EPS8L3: variants seen among roughly 807,000 people sequenced by gnomAD.
EPS8L3 encodes epidermal growth factor receptor kinase substrate 8-like protein 3.
A neutral mutation model predicts 88.5 loss-of-function variants in EPS8L3; 80 were observed. The observed-to-expected ratio is 0.90, with a 90% confidence interval of 0.75 to 1.09. The LOEUF is 1.09. Among genes scored for constraint, EPS8L3 ranks in the 50% least tolerant of loss-of-function variants. EPS8L3 has a pLI of 0.00. For synonymous variants in EPS8L3, 286 were observed against 291.0 expected (o/e 0.98, Z 0.18); for missense variants, 721 against 735.2 (o/e 0.98, Z 0.22).
rs779263646 is a variant in EPS8L3 at position 109,751,984 on chromosome 1, C to G, written c.1434+11G>C. ...ACCACCTCCTTTTCTAGCCTATGGC[C>G]CAAGCCTCACCTCCAGCTTCTCTCC... On this transcript the variant is annotated intron_variant, in intron 15 of 18. Transcript: ENST00000361965. 5 of 1,594,918 alleles carry G rather than the reference C, an allele frequency of 3.1e-6. No homozygotes were observed. Among genetic ancestry groups the G allele is most frequent in the Non-Finnish European group, 4.3e-6 (5 of 1,169,808 alleles).
At chr1:109,761,894 C>CCAGAA in intron 1 of EPS8L3, 121 bp from the exon 2 acceptor site, 2 of 828,470 alleles carry the variant, frequency 2.4e-6, no homozygotes, top group Admixed American at 2.2e-5. Context: ...CCCAAAGCCC[C>CCAGAA]TGGCTCCAGG....
intron 1 of EPS8L3, among the ~76,000 whole-genome samples, 169 bp downstream of exon 1, chr1:109,763,653 C>T (rs920090024): frequency 6.6e-6 from 1 of 152,206 alleles, no homozygotes; most frequent in Non-Finnish European, 1.5e-5. Context: ...CTTTCCAGCC[C>T]ACCAGCCAGC....
At chr1:109,763,756 C>T (rs1651255166) in intron 1 of EPS8L3, 66 bp downstream of exon 1, 1 of 153,096 alleles carries the variant, frequency 6.5e-6, no homozygotes, top group African/African-American at 2.4e-5. Context: ...TGAGTTGCCC[C>T]CACCTGCCCT....
At chr1:109,763,185 G>A (rs768135762) in intron 1 of EPS8L3, among the ~76,000 whole-genome samples, 17 of 152,226 alleles carry the variant, frequency 1.1e-4, no homozygotes, top group Non-Finnish European at 8.8e-5. Flanking sequence ...TTAAGGGAAT[G>A]TGGAAGGGAC....
Position 109,759,456 on chromosome 1 carries a change from A to G in EPS8L3, c.256-69T>C. On this transcript the variant is annotated intron_variant, in intron 4 of 18. Coordinates refer to ENST00000361965, the MANE Select transcript of EPS8L3 (RefSeq NM_133181.4). The surrounding 1 kb of genome is among the most constrained non-coding windows in gnomAD (Gnocchi z 4.2). ...GTGTGGCTTCTGGGAGCTCCTGACC[A>G]GCTCATCCTAGCCCTTTGGTGGCCT... 1 of 1,582,984 alleles carries G rather than the reference A, an allele frequency of 6.3e-7. No individual in the cohort carries two copies. Among genetic ancestry groups the G allele is most frequent in the East Asian group, 2.2e-5 (1 of 44,752 alleles).
rs777053597 is a variant in EPS8L3, at chr1:109,761,533, G to A, written c.58C>T (p.Leu20Phe). ...TGCAGGAGGGTGGGCTCTGAGGTGA[G>A]GTTCTGGGAGTACTCCTTCCGGTGC... is the stretch of plus-strand genomic sequence containing the variant. ...YLHRKEYSQN[L>F]TSEPTLLQHR... The change falls in exon 3 of 19, where the codon CTC becomes TTC. Residue 20 changes from leucine (L) to phenylalanine (F), a missense_variant. Transcript: ENST00000361965. 1.9e-6 allele frequency: 3 copies of A among 1,613,602 alleles called. No individual in the cohort carries two copies. The highest frequency in any genetic ancestry group is 2.2e-5 in the South Asian group (2 of 91,052).
chr1:109,758,723 C>T, intron 6 of EPS8L3, 60 bp from the exon 7 acceptor site: 2 of 1,512,434 alleles, frequency 1.3e-6, no homozygotes, highest in East Asian at 2.3e-5. Flanking sequence ...GAGGCCCTCC[C>T]CACAATTCTG....
At chr1:109,756,544 T>A (rs575079818) in intron 12 of EPS8L3, among the ~76,000 whole-genome samples, 2 of 74,706 alleles carry the variant, frequency 2.7e-5, no homozygotes, top group Admixed American at 3.3e-4. Context: ...CCCTGTTAGG[T>A]TTTTTTGTCC....
rs762470827 is a variant in EPS8L3, at chr1:109,759,702, C to T, written c.231G>A (p.Leu77=). 33 of 1,613,786 alleles carry T rather than the reference C, an allele frequency of 2.0e-5. No homozygotes were observed. The highest frequency in any genetic ancestry group is 2.6e-5 in the Non-Finnish European group (31 of 1,180,006). Residue 77 remains leucine (L), a synonymous_variant, in exon 4 of 19, where the codon CTG becomes CTA. Transcript: ENST00000361965. This position sits in a 1 kb window ranked among gnomAD's most constrained non-coding sequence, Gnocchi z 4.2. ...DLILQVRDGW[L]QLLDIETKEE... is the part of the protein sequence containing the mutation. ...CCTTGGTCTCAATGTCCAGCAGCTG[C>T]AGCCAGCCGTCCCTGACCTGCAGGA...
At chr1:109,752,271 A>G in intron 14 of EPS8L3, 78 bp from the exon 15 acceptor site, 1 of 1,383,214 alleles carries the variant, frequency 7.2e-7, no homozygotes, top group South Asian at 1.3e-5. Context: ...GATTCCCCTC[A>G]GGTATCTCCG....
At chr1:109,761,964 T>A (rs2101541397) in intron 1 of EPS8L3, among the ~76,000 whole-genome samples, 191 bp from the exon 2 acceptor site, 1 of 152,148 alleles carries the variant, frequency 6.6e-6, no homozygotes, top group South Asian at 2.1e-4. Context: ...CCATCCTGGC[T>A]GGGCCTGGAG....
rs757077141 is a variant in EPS8L3 at position 109,753,182 on chromosome 1, C to T, written c.1135G>A (p.Asp379Asn). The change falls in exon 13 of 19, where the codon GAT (aspartate) becomes AAT (asparagine). Residue 379 changes from aspartate (D) to asparagine (N), a missense_variant. Transcript: ENST00000361965. ...GTGGGTTGGTAGGGCAGGGGCTCAT[C>T]GCCTGTCCAGTCGGCCCTGAAGAGG... ...WTTSRADWTGDEPLPYQPTFS... is the reference protein window; with the variant it reads ...WTTSRADWTGNEPLPYQPTFS... 44 of 1,611,620 alleles carry T rather than the reference C, an allele frequency of 2.7e-5. No individual in the cohort carries two copies. In the East Asian group the frequency reaches 3.6e-4, roughly 13 times the overall value.
rs1650643596 is a variant in EPS8L3 at position 109,759,223 on chromosome 1, C to A, written c.405+15G>T. 6.2e-7 allele frequency: 1 copy of A among 1,613,084 alleles called. No individual in the cohort carries two copies. On this transcript the variant is annotated intron_variant, in intron 5 of 18. Transcript: ENST00000361965. The surrounding 1 kb of genome is among the most constrained non-coding windows in gnomAD (Gnocchi z 4.2). ...GATGAACCCCACCCCTGACCAATCA[C>A]CCCCGACCACTCACCCCCACTTCCT...
In EPS8L3 at chr1:109,759,042, G is replaced by A; in HGVS notation, c.461+20C>T. On this transcript the variant is annotated intron_variant, in intron 6 of 18. Coordinates refer to ENST00000361965, the MANE Select transcript of EPS8L3 (RefSeq NM_133181.4). The surrounding 1 kb of genome is among the most constrained non-coding windows in gnomAD (Gnocchi z 4.2). ...CTGAGCTGGGAGGCCCCATAGGTGGGCTGGGCAGAGGCTGCCTACCTTTGC... is the reference window on the plus strand; with the variant it reads ...CTGAGCTGGGAGGCCCCATAGGTGGACTGGGCAGAGGCTGCCTACCTTTGC... 1 of 1,586,154 alleles carries A rather than the reference G, an allele frequency of 6.3e-7. No individual in the cohort carries two copies. Among genetic ancestry groups the A allele is most frequent in the Non-Finnish European group, 8.6e-7 (1 of 1,166,522 alleles).
chr1:109,757,618 A>G (rs1650418089), intron 10 of EPS8L3, 63 bp from the exon 11 acceptor site: 8 of 1,523,336 alleles, frequency 5.3e-6, no homozygotes, highest in South Asian at 1.1e-5. Flanking sequence ...CCAGGTCACC[A>G]TAATTGTTTT....
At chr1:109,756,433 T>C (rs546572672) in intron 12 of EPS8L3, among the ~76,000 whole-genome samples, 2 of 152,322 alleles carry the variant, frequency 1.3e-5, no homozygotes, top group East Asian at 3.9e-4. Context: ...AGACGGGTTT[T>C]CACCATGTTG....
At chr1:109,761,408 G>T in intron 3 of EPS8L3, 87 bp downstream of exon 3, 2 of 1,195,460 alleles carry the variant, frequency 1.7e-6, no homozygotes, top group Non-Finnish European at 1.2e-6. Flanking sequence ...GGACTTGTGT[G>T]AAGTGTCCAT....
At chr1:109,757,919 C>G in intron 9 of EPS8L3, 25 bp downstream of exon 9, 1 of 1,613,516 alleles carries the variant, frequency 6.2e-7, no homozygotes. Flanking sequence ...ACCCCTACTC[C>G]TCTTCCCTGG....
intron 12 of EPS8L3, among the ~76,000 whole-genome samples, chr1:109,753,872 T>C (rs982022272): frequency 2.0e-5 from 3 of 152,242 alleles, no homozygotes; most frequent in Admixed American, 2.0e-4. Context: ...AATATTCTGC[T>C]GAACTTGGTA....
Sources: allele counts gnomAD v4.1 joint callset (sites outside exome capture counted in the v4.1 genomes callset), GRCh38; gene constraint gnomAD v4.1.1; non-coding constraint Gnocchi (gnomAD v3.1); transcripts MANE v1.5; gene names NCBI Gene and HGNC (gene_info 2026-07-23, HGNC 2026-07-21).